LIPJ: variants seen among roughly 807,000 people sequenced by gnomAD.
LIPJ encodes lipase member J.
A neutral mutation model predicts 39.8 loss-of-function variants in LIPJ; 33 were observed. That is an observed-to-expected ratio of 0.83 (90% CI 0.63 to 1.11). The LOEUF (loss-of-function observed/expected upper bound fraction) is 1.11. LIPJ is among the 50% of genes least tolerant of loss of function. The pLI is 0.00. For missense variants in LIPJ, 422 were observed against 427.9 expected (o/e 0.99, Z 0.12); for synonymous variants, 128 against 139.2 (o/e 0.92, Z 0.57).
intron 8 of LIPJ, among the ~76,000 whole-genome samples, chr10:88,597,959 T>C (rs747127080): frequency 6.6e-6 from 1 of 151,992 alleles, no homozygotes; most frequent in African/African-American, 2.4e-5. Context: ...CTCTGAGAAC[T>C]CTTTTTTGTG....
chr10:88,615,123 A>G, the LIPJ span, among the ~76,000 whole-genome samples: 1 of 152,226 alleles, frequency 6.6e-6, no homozygotes, highest in Admixed American at 6.5e-5. Context: ...TTTCTTAAAC[A>G]GAGCACACAA....
chr10:88,616,337 T>A, the LIPJ span, among the ~76,000 whole-genome samples: 1 of 152,152 alleles, frequency 6.6e-6, no homozygotes, highest in Non-Finnish European at 1.5e-5. Flanking sequence ...AACAAGCCCT[T>A]CAGGGTCCTC....
chr10:88,594,324 A>G, intron 5 of LIPJ, 180 bp downstream of exon 5: 1 of 578,508 alleles, frequency 1.7e-6, no homozygotes, highest in Non-Finnish European at 3.0e-6. Flanking sequence ...TTTGAGTTTG[A>G]TTCTTACGTT....
intron 2 of LIPJ, among the ~76,000 whole-genome samples, chr10:88,587,666 C>T (rs1850953463): frequency 1.3e-5 from 2 of 152,084 alleles, no homozygotes; most frequent in South Asian, 2.1e-4. Context: ...TTTTTACTCA[C>T]TTTCATCTTT....
At chr10:88,583,266 G>A (rs1249405518), upstream of LIPJ, 2 of 1,581,914 alleles carry the variant, frequency 1.3e-6, no homozygotes, top group African/African-American at 2.7e-5. Flanking sequence ...AAAGGCGGCC[G>A]AACCGGCGCT....
At chr10:88,609,119 T>G (rs1164999848), downstream of LIPJ, among the ~76,000 whole-genome samples, 1 of 152,248 alleles carries the variant, frequency 6.6e-6, no homozygotes, top group Non-Finnish European at 1.5e-5. Context: ...CCGTTCTTTG[T>G]GCATTTTGTC....
At chr10:88,587,855 T>A (rs1456723129) in intron 2 of LIPJ, among the ~76,000 whole-genome samples, 1 of 152,102 alleles carries the variant, frequency 6.6e-6, no homozygotes, top group African/African-American at 2.4e-5. Context: ...AATATTTTAA[T>A]CTAGTAGTAG....
upstream of LIPJ, chr10:88,583,604 A>G (rs73357284): frequency 8.0e-5 from 80 of 995,832 alleles, no homozygotes; most frequent in African/African-American, 1.3e-3. Context: ...TTGCTGTTTT[A>G]CTATTCTAGA....
At chr10:88,615,138 T>A in the LIPJ span, among the ~76,000 whole-genome samples, 1 of 152,182 alleles carries the variant, frequency 6.6e-6, no homozygotes, top group African/African-American at 2.4e-5. Context: ...ACACAAAGCA[T>A]GATCCTAAAG....
At chr10:88,589,161 T>TA in intron 2 of LIPJ, among the ~76,000 whole-genome samples, 1 of 151,908 alleles carries the variant, frequency 6.6e-6, no homozygotes, top group Non-Finnish European at 1.5e-5. Flanking sequence ...CAAAGCATCT[T>TA]AAAACCTCAG....
chr10:88,591,159 TC>T (rs1199022968), intron 3 of LIPJ, among the ~76,000 whole-genome samples: 2 of 151,788 alleles, frequency 1.3e-5, no homozygotes, highest in Non-Finnish European at 2.9e-5. Context: ...TTTATTTTAT[TC>T]TTTCAATCCC....
upstream of LIPJ, chr10:88,583,155 T>A (rs776273868): frequency 3.2e-5 from 52 of 1,613,936 alleles, no homozygotes; most frequent in Non-Finnish European, 4.2e-5. Flanking sequence ...ACAAGCTTCC[T>A]GTCATCCCGG....
intron 8 of LIPJ, among the ~76,000 whole-genome samples, chr10:88,600,847 A>G (rs1414449401): frequency 1.3e-5 from 2 of 152,234 alleles, no homozygotes; most frequent in East Asian, 1.9e-4. Context: ...ACATCTGGCA[A>G]TGGCCTTCTT....
rs188171687 is a variant in LIPJ, at chr10:88,597,355, A to G, written c.723+419A>G. ...TAATTAGAATTAGTGCCTTCCAATTATCTTTAAGTTTCTAGCTTTTATCAA... is the reference window on the plus strand; with the variant it reads ...TAATTAGAATTAGTGCCTTCCAATTGTCTTTAAGTTTCTAGCTTTTATCAA... On this transcript the variant is annotated intron_variant, in intron 8 of 10. Transcript: ENST00000371939. 8.8e-4 allele frequency among the ~76,000 whole-genome samples: 134 copies of G among 151,998 alleles called. 1 individual carries two copies. The highest frequency in any genetic ancestry group is 3.2e-3 in the African/African-American group (131 of 41,536).
At chr10:88,600,472 C>G (rs1851436725) in intron 8 of LIPJ, among the ~76,000 whole-genome samples, 1 of 152,086 alleles carries the variant, frequency 6.6e-6, no homozygotes, top group Admixed American at 6.5e-5. Context: ...AAAATAAATT[C>G]TAATTATCTG....
intron 8 of LIPJ, among the ~76,000 whole-genome samples, chr10:88,597,960 C>CT (rs1382481849): frequency 6.6e-6 from 1 of 151,914 alleles, no homozygotes; most frequent in Non-Finnish European, 1.5e-5. Context: ...TCTGAGAACT[C>CT]TTTTTTGTGT....
the LIPJ span, among the ~76,000 whole-genome samples, chr10:88,622,827 C>T: frequency 6.6e-6 from 1 of 152,264 alleles, no homozygotes; most frequent in East Asian, 1.9e-4. Flanking sequence ...ACATTTTTAA[C>T]ATGGTCACCC....
the LIPJ span, among the ~76,000 whole-genome samples, chr10:88,621,115 T>A: frequency 2.0e-5 from 3 of 152,126 alleles, no homozygotes; most frequent in Non-Finnish European, 4.4e-5. Flanking sequence ...TTTTGGGGAA[T>A]GCAAACGTTC....
upstream of LIPJ, among the ~76,000 whole-genome samples, chr10:88,586,030 A>C (rs1409896402): frequency 2.0e-5 from 3 of 152,204 alleles, no homozygotes; most frequent in Non-Finnish European, 2.9e-5. Context: ...CTATGGCAGA[A>C]GAAAACCTTT....
Sources: allele counts gnomAD v4.1 joint callset (sites outside exome capture counted in the v4.1 genomes callset), GRCh38; gene constraint gnomAD v4.1.1; transcripts MANE v1.5; gene names NCBI Gene and HGNC (gene_info 2026-07-23, HGNC 2026-07-21).